The following SFMBT2 variants were observed in gnomAD, a reference collection of about 807,000 sequenced individuals.
SFMBT2 encodes scm-like with four MBT domains protein 2.
In SFMBT2, 38 loss-of-function variants were observed where a neutral mutation model predicts 110.1. That is an observed-to-expected ratio of 0.35 (90% CI 0.27 to 0.45). The LOEUF (loss-of-function observed/expected upper bound fraction) is 0.45. SFMBT2 is among the 20% of genes least tolerant of loss of function. The pLI is 1.00. For missense variants in SFMBT2, 1,011 were observed against 1,094.9 expected (o/e 0.92, Z 1.08); for synonymous variants, 425 against 425.4 (o/e 1.00, Z 0.01).
Position 7,229,727 on chromosome 10 carries a change from G to GT in SFMBT2, c.1121-1791dup, listed in dbSNP as rs374010287. 5.6e-3 allele frequency among the ~76,000 whole-genome samples: 817 copies of GT among 145,680 alleles called. 7 individuals carry two copies. The highest frequency in any genetic ancestry group is 8.6e-3 in the Non-Finnish European group (568 of 66,176). ...ATATATCCTATTTTTTGTTGTTGTT[G>GT]TTTTTTTTTTTGTGATGGAGTCTCA... On this transcript the variant is annotated intron_variant, in intron 9 of 20. Coordinates refer to ENST00000397167, the MANE Select transcript of SFMBT2 (RefSeq NM_001387889.1).
intron 3 of SFMBT2, among the ~76,000 whole-genome samples, chr10:7,369,741 C>T (rs1396891409): frequency 3.9e-5 from 6 of 152,130 alleles, no homozygotes; most frequent in Non-Finnish European, 5.9e-5. Context: ...TTTAGTTTTC[C>T]AGCTCTTTAC....
intron 7 of SFMBT2, among the ~76,000 whole-genome samples, chr10:7,270,595 A>G (rs1841550095): frequency 6.6e-6 from 1 of 152,248 alleles, no homozygotes; most frequent in South Asian, 2.1e-4. Context: ...GTCTATTTAT[A>G]AAGTGCCTAA....
intron 2 of SFMBT2, among the ~76,000 whole-genome samples, chr10:7,377,894 C>T (rs887036557): frequency 1.4e-5 from 2 of 139,038 alleles, no homozygotes; most frequent in South Asian, 2.3e-4. Context: ...GGAGGTGGCA[C>T]GGGAGGAAAG....
At chr10:7,211,567 C>CCT (rs1466040849) in intron 11 of SFMBT2, among the ~76,000 whole-genome samples, 1 of 152,172 alleles carries the variant, frequency 6.6e-6, no homozygotes, top group Non-Finnish European at 1.5e-5. Flanking sequence ...CAAACAAACA[C>CCT]CTGTGGCGGG....
chr10:7,249,778 T>C (rs1840742112), intron 7 of SFMBT2, among the ~76,000 whole-genome samples: 1 of 152,190 alleles, frequency 6.6e-6, no homozygotes, highest in Admixed American at 6.5e-5. Context: ...TCTCCACCAG[T>C]GCACCGAGTT....
In SFMBT2 at chr10:7,172,694, C is replaced by CTA; in HGVS notation, c.1985-35_1985-34dup. ...AAGGAAGATGAGAAACTTTTGAAGG[C>CTA]TATACACACACACAGACATGAACAG... On this transcript the variant is annotated intron_variant, in intron 17 of 20. Transcript: ENST00000397167. This position sits in a 1 kb window ranked among gnomAD's most constrained non-coding sequence, Gnocchi z 4.6. 1 of 1,592,474 alleles carries CTA rather than the reference C, an allele frequency of 6.3e-7. No homozygotes were observed. Among genetic ancestry groups the CTA allele is most frequent in the Non-Finnish European group, 8.6e-7 (1 of 1,166,736 alleles).
intron 1 of SFMBT2, among the ~76,000 whole-genome samples, chr10:7,407,383 A>G (rs1460970313): frequency 6.6e-6 from 1 of 151,974 alleles, no homozygotes; most frequent in Non-Finnish European, 1.5e-5. Context: ...CTACGGTGCA[A>G]GAGTGGAGGG....
At chr10:7,357,486 G>C (rs1269799869) in intron 4 of SFMBT2, among the ~76,000 whole-genome samples, 1 of 152,128 alleles carries the variant, frequency 6.6e-6, no homozygotes, top group Admixed American at 6.5e-5. Context: ...CTGCAACACT[G>C]GCTCCCCCTG....
chr10:7,198,747 C>T (rs1186492888), intron 14 of SFMBT2, among the ~76,000 whole-genome samples: 2 of 152,126 alleles, frequency 1.3e-5, no homozygotes, highest in East Asian at 3.9e-4. Flanking sequence ...AGACCTCAAT[C>T]TAAAGTTTCT....
At chr10:7,320,442 C>T in intron 4 of SFMBT2, 1 of 282,728 alleles carries the variant, frequency 3.5e-6, no homozygotes, top group Non-Finnish European at 5.3e-6. Context: ...TGCTGATTCT[C>T]TAGGATTGGA....
At chr10:7,220,597 AGAT>A (rs1439062330) in intron 10 of SFMBT2, 60 bp from the exon 11 acceptor site, 4 of 1,588,992 alleles carry the variant, frequency 2.5e-6, no homozygotes, top group Non-Finnish European at 3.4e-6. Flanking sequence ...AAAGCTGGGC[AGAT>A]GAAGAAAGAG....
intron 7 of SFMBT2, among the ~76,000 whole-genome samples, chr10:7,271,873 A>G (rs1402096294): frequency 6.6e-6 from 1 of 152,182 alleles, no homozygotes; most frequent in African/African-American, 2.4e-5. Context: ...CTTATTCACT[A>G]TCACGAGAAC....
At chr10:7,290,207 TC>T in intron 4 of SFMBT2, among the ~76,000 whole-genome samples, 2 of 151,148 alleles carry the variant, frequency 1.3e-5, no homozygotes, top group East Asian at 3.9e-4. Flanking sequence ...AACTTGGTAA[TC>T]ATCGCTCATG....
In SFMBT2 at chr10:7,178,524, C is replaced by G. The variant is rs570498530; in HGVS notation, c.1809-2359G>C. ...GCAATACTGCTTTCCTTAAACGTAA[C>G]TATTTAGTGAAGAATAAAAATTAAG... On this transcript the variant is annotated intron_variant, in intron 16 of 20. Transcript: ENST00000397167. Among the ~76,000 whole-genome samples the G allele has an allele frequency of 2.6e-5, 4 of 152,256 alleles. No homozygotes were observed. The East Asian group carries it at 7.7e-4, about 29-fold the overall frequency.
At chr10:7,395,629 A>G (rs758421620) in intron 1 of SFMBT2, among the ~76,000 whole-genome samples, 14 of 149,610 alleles carry the variant, frequency 9.4e-5, no homozygotes, top group Non-Finnish European at 2.1e-4. Context: ...TGTTTAATCC[A>G]CCATCTGGGA....
intron 4 of SFMBT2, among the ~76,000 whole-genome samples, chr10:7,364,588 A>G (rs1474487483): frequency 1.3e-5 from 2 of 152,236 alleles, no homozygotes; most frequent in African/African-American, 4.8e-5. Flanking sequence ...CTCTAAAACT[A>G]TTCACTAGAG....
rs529307204 is a variant in SFMBT2, at chr10:7,295,066, C to A, written c.437-9112G>T. 7.0e-4 allele frequency: 106 copies of A among 152,306 alleles called. 1 individual carries two copies. The highest frequency in any genetic ancestry group is 2.5e-3 in the African/African-American group (104 of 41,568). The allele number at this position is 152,306 out of a possible 1,614,324, so 9.4% of individuals were successfully genotyped here. On this transcript the variant is annotated intron_variant, in intron 4 of 20. Transcript: ENST00000397167. Reference sequence around the variant, plus strand: ...TTCAGAAACACAGGTCAGTGACAAACTTCTAGGTAATTCAACCCAAATAAA... The same window carrying A: ...TTCAGAAACACAGGTCAGTGACAAAATTCTAGGTAATTCAACCCAAATAAA...
chr10:7,225,877 T>C (rs1459865226), intron 10 of SFMBT2, among the ~76,000 whole-genome samples: 1 of 152,098 alleles, frequency 6.6e-6, no homozygotes, highest in Non-Finnish European at 1.5e-5. Context: ...TATAAGATGT[T>C]TCCACGGCCC....
At chr10:7,338,612 G>C (rs759402893) in intron 4 of SFMBT2, among the ~76,000 whole-genome samples, 20 of 152,176 alleles carry the variant, frequency 1.3e-4, no homozygotes, top group Admixed American at 5.9e-4. Context: ...CATAGGTGAG[G>C]AGGAGTAGGA....
Sources: gnomAD v4.1 joint callset for allele counts (sites outside exome capture counted in the v4.1 genomes callset) on GRCh38, gnomAD v4.1.1 for gene constraint, Gnocchi (gnomAD v3.1) non-coding constraint, MANE v1.5 for transcripts, NCBI Gene and HGNC (gene_info 2026-07-23, HGNC 2026-07-21) for gene names.